Variants in KLC1 observed in about 807,000 individuals in gnomAD.
KLC1 encodes kinesin 2 60/70kDa.
A neutral mutation model predicts 84.2 loss-of-function variants in KLC1; 30 were observed. The observed-to-expected ratio is 0.36, with a 90% CI of 0.27 to 0.48. The LOEUF (loss-of-function observed/expected upper bound fraction) is 0.48. KLC1 is among the 20% of genes least tolerant of loss of function. The pLI is 0.99. For synonymous variants in KLC1, 289 were observed against 293.3 expected, an observed-to-expected ratio of 0.99 and a Z score of 0.15; for missense variants, 499 against 805.4, an observed-to-expected ratio of 0.62 and a Z score of 4.60.
chr14:103,698,490 C>T (rs2151899147), intron 15 of KLC1: 2 of 441,110 alleles, frequency 4.5e-6, no homozygotes, highest in South Asian at 4.3e-5. Context: ...CAGGGAGTCA[C>T]TGTAGGACAC....
At position 103,629,422 on chromosome 14, in the gene KLC1, T is replaced by G. The variant is rs541770781; in HGVS notation, c.-74T>G. ...CGAGGCGGGCTCGGCGCACAGTCGC[T>G]GCTCCGCGCGCGCGCCCGGCGGCGC... is the stretch of plus-strand genomic sequence containing the variant. On this transcript the variant is annotated 5_prime_UTR_variant, in exon 1 of 17. Coordinates refer to ENST00000334553, the MANE Select transcript of KLC1 (RefSeq NM_001394837.1). 6.6e-6 allele frequency: 1 copy of G among 152,246 alleles called. No individual in the cohort carries two copies. Among genetic ancestry groups the G allele is most frequent in the South Asian group, 2.1e-4 (1 of 4,836 alleles). 9.4% of individuals were successfully genotyped at this position (152,246 alleles called of 1,614,324 possible). A position where few individuals can be genotyped will look rare whatever the true frequency, so the allele number is the denominator to read the frequency against.
At chr14:103,685,586 C>T in intron 13 of KLC1, 1 of 1,289,234 alleles carries the variant, frequency 7.8e-7, no homozygotes, top group Non-Finnish European at 1.0e-6. Flanking sequence ...AGCCTGTTGC[C>T]TTTCCTCGCC....
In KLC1 at chr14:103,699,212, G is replaced by A. The variant is rs56393055; in HGVS notation, c.1849-1443G>A. On this transcript the variant is annotated intron_variant, in intron 15 of 16. Transcript: ENST00000334553. ...AGCACAGTCCAGGTCAGCTGCAACG[G>A]CTGAGGGTCTTCTCGATGGTTAGGC... 122 of 1,548,926 alleles carry A rather than the reference G, an allele frequency of 7.9e-5. No individual in the cohort carries two copies. In the African/African-American group the frequency reaches 1.5e-3, roughly 19 times the overall value.
chr14:103,643,710 T>C (rs1325521986), intron 1 of KLC1, among the ~76,000 whole-genome samples: 1 of 144,056 alleles, frequency 6.9e-6, no homozygotes, highest in African/African-American at 2.6e-5. Context: ...GGCAGATCAC[T>C]TGAGGTCAAG....
At chr14:103,642,145 G>A (rs2077542621) in intron 1 of KLC1, among the ~76,000 whole-genome samples, 1 of 152,096 alleles carries the variant, frequency 6.6e-6, no homozygotes, top group Admixed American at 6.6e-5. Context: ...GACTAGGCTG[G>A]TCTCGAACTC....
intron 1 of KLC1, among the ~76,000 whole-genome samples, chr14:103,638,529 T>C (rs1329864985): frequency 6.6e-6 from 1 of 151,960 alleles, no homozygotes; most frequent in African/African-American, 2.4e-5. Flanking sequence ...GTTTTTTTTT[T>C]TTCTTAACTT....
At chr14:103,691,529 C>T (rs189083331) in intron 14 of KLC1, among the ~76,000 whole-genome samples, 10 of 120,180 alleles carry the variant, frequency 8.3e-5, no homozygotes, top group Admixed American at 4.3e-4. Context: ...AGTGCAGTGG[C>T]GTGATCTCAG....
intron 5 of KLC1, among the ~76,000 whole-genome samples, chr14:103,667,248 A>G (rs1048315353): frequency 2.0e-5 from 3 of 152,006 alleles, no homozygotes. Context: ...AGTAGCTGGG[A>G]TTACAGGTGC....
chr14:103,636,026 C>G (rs1350643491), intron 1 of KLC1, among the ~76,000 whole-genome samples: 1 of 152,008 alleles, frequency 6.6e-6, no homozygotes, highest in African/African-American at 2.4e-5. Context: ...CAAAGATGTA[C>G]CATTTTAACC....
At chr14:103,632,542 C>G (rs1414015945) in intron 1 of KLC1, among the ~76,000 whole-genome samples, 2 of 151,974 alleles carry the variant, frequency 1.3e-5, no homozygotes, top group African/African-American at 4.8e-5. Flanking sequence ...ATGGTGAAAC[C>G]CTGTCTCTAC....
At chr14:103,699,859 C>T in intron 15 of KLC1, 1 of 490,648 alleles carries the variant, frequency 2.0e-6, no homozygotes. Flanking sequence ...ACACCGTCCT[C>T]TGTAGAGGTG....
intron 15 of KLC1, chr14:103,695,841 A>C (rs576077950): frequency 1.0e-6 from 1 of 985,222 alleles, no homozygotes; most frequent in South Asian, 4.7e-5. Context: ...CTCATAAAGG[A>C]AGGTTCGTGT....
chr14:103,680,718 G>A (rs1006713003), intron 13 of KLC1, among the ~76,000 whole-genome samples: 6 of 152,124 alleles, frequency 3.9e-5, no homozygotes, highest in Admixed American at 6.5e-5. Context: ...CCTGTCGCCC[G>A]CATCCTGTCA....
At chr14:103,644,927 T>C (rs2151389373) in intron 1 of KLC1, among the ~76,000 whole-genome samples, 1 of 151,412 alleles carries the variant, frequency 6.6e-6, no homozygotes, top group East Asian at 2.0e-4. Context: ...TCTTTAGTTC[T>C]GTTCTTTTCT....
At chr14:103,671,087 G>GCT (rs2080346866) in intron 7 of KLC1, among the ~76,000 whole-genome samples, 1 of 152,100 alleles carries the variant, frequency 6.6e-6, no homozygotes, top group South Asian at 2.1e-4. Flanking sequence ...GCATTTGACA[G>GCT]TGGAACATGT....
intron 1 of KLC1, among the ~76,000 whole-genome samples, chr14:103,636,484 T>C (rs2077053469): frequency 6.6e-6 from 1 of 152,052 alleles, no homozygotes; most frequent in African/African-American, 2.4e-5. Flanking sequence ...CCTCCCAAAG[T>C]GTTGGGATTA....
intron 2 of KLC1, among the ~76,000 whole-genome samples, chr14:103,657,247 A>C (rs1341077217): frequency 2.6e-5 from 4 of 152,146 alleles, no homozygotes; most frequent in African/African-American, 9.7e-5. Context: ...AAGTAAAATA[A>C]TACAGTTTCA....
intron 5 of KLC1, among the ~76,000 whole-genome samples, chr14:103,668,794 T>C (rs899448210): frequency 1.4e-5 from 2 of 147,776 alleles, no homozygotes; most frequent in Non-Finnish European, 3.0e-5. Context: ...TTTATTTATT[T>C]TTTGAGACAG....
chr14:103,662,715 C>T lies in KLC1; in HGVS notation c.585C>T (p.His195=), dbSNP rs1460317285. ...TTCTCGGTGCAGTCCAGCAGCAGCA[C>T]AGCAGTGCAGCCGCGGCTGCCCAGC... The part of the protein sequence containing the change: ...DDPGQGIQQQ[H]SSAAAAAQQG... The change falls in exon 5 of 17, where the codon CAC becomes CAT. Residue 195 remains histidine (H), a synonymous_variant. Transcript: ENST00000334553. 2 of 1,595,910 alleles carry T rather than the reference C, an allele frequency of 1.3e-6. No individual in the cohort carries two copies. The highest frequency in any genetic ancestry group is 1.7e-6 in the Non-Finnish European group (2 of 1,171,494).
Sources: allele counts gnomAD v4.1 joint callset (sites outside exome capture counted in the v4.1 genomes callset), GRCh38; gene constraint gnomAD v4.1.1; transcripts MANE v1.5; gene names NCBI Gene and HGNC (gene_info 2026-07-23, HGNC 2026-07-21).